The following PBRM1 variants were observed in gnomAD, a reference collection of about 807,000 sequenced individuals.
PBRM1 encodes the protein polybromo 1.
A neutral mutation model predicts 194.5 loss-of-function variants in PBRM1; 27 were observed. That is an observed-to-expected ratio of 0.14 (90% CI 0.10 to 0.19). PBRM1 has a LOEUF of 0.19. Ranked by LOEUF, PBRM1 falls within the 10% of genes least tolerant of loss-of-function variation. PBRM1 has a pLI of 1.00. For synonymous variants in PBRM1, 655 were observed against 693.2 expected (o/e 0.94, Z 0.87); for missense variants, 1,466 against 2,077.2 (o/e 0.71, Z 5.72).
chr3:52,603,818 CTTT>C, intron 16 of PBRM1, 86 bp from the exon 19 acceptor site: 1 of 1,131,614 alleles, frequency 8.8e-7, no homozygotes, highest in South Asian at 1.4e-5. Context: ...TTAAATGCTT[CTTT>C]AATTGATATA....
chr3:52,603,784 AC>A, intron 16 of PBRM1, 52 bp from the exon 19 acceptor site: 2 of 1,472,046 alleles, frequency 1.4e-6, no homozygotes, highest in Non-Finnish European at 9.3e-7. Context: ...TCTTTTAAAC[AC>A]CTCAATTATA....
chr3:52,626,289 C>T (rs2095444008), intron 13 of PBRM1, among the ~76,000 whole-genome samples: 1 of 152,198 alleles, frequency 6.6e-6, no homozygotes, highest in Non-Finnish European at 1.5e-5. Context: ...TCAGGGTATA[C>T]TGATCAATTT....
At chr3:52,581,211 G>C (rs4687629) in intron 20 of PBRM1, among the ~76,000 whole-genome samples, 69,193 of 152,022 alleles carry the variant, frequency 0.46, 16,101 homozygotes, top group African/African-American at 0.52. Context: ...CTTGGAAAAT[G>C]ATTAAGAATG....
exon 17 of PBRM1, chr3:52,603,538 CGTTTTA>C (rs2094147886): frequency 1.3e-6 from 2 of 1,594,970 alleles, no homozygotes; most frequent in Non-Finnish European, 1.7e-6. Context: ...TTCTTCTTCT[CGTTTTA>C]GTTTATCTTC....
At chr3:52,623,995 T>C (rs538525326) in intron 13 of PBRM1, among the ~76,000 whole-genome samples, 14 of 152,312 alleles carry the variant, frequency 9.2e-5, no homozygotes, top group East Asian at 1.9e-4. Context: ...AATGATAACA[T>C]AGCAATTTTA....
At chr3:52,594,800 A>G (rs11714419) in intron 17 of PBRM1, among the ~76,000 whole-genome samples, 50,618 of 152,038 alleles carry the variant, frequency 0.33, 9,546 homozygotes, top group Admixed American at 0.46. Context: ...GCTTGAGGAA[A>G]AAGGACTCTA....
intron 11 of PBRM1, 70 bp downstream of exon 12, chr3:52,634,532 G>T: frequency 3.0e-6 from 3 of 1,002,400 alleles, no homozygotes; most frequent in Non-Finnish European, 4.6e-6. Context: ...ATTTTAGGAA[G>T]AAATACATTA....
Position 52,609,210 on chromosome 3 carries a change from A to G in PBRM1, c.2567+103T>C. 1 of 898,018 alleles carries G rather than the reference A, an allele frequency of 1.1e-6. No individual in the cohort carries two copies. The highest frequency in any genetic ancestry group is 1.7e-6 in the Non-Finnish European group (1 of 583,886). 55.6% of individuals were successfully genotyped at this position (898,018 alleles called of 1,614,324 possible). ...CAGAATAGCATGCTACCAACTACAA[A>G]TCATGTATGTAAGTGGAAATAGTAC... On this transcript the variant is annotated intron_variant, in intron 16 of 29. Coordinates refer to ENST00000296302, the Ensembl canonical transcript of PBRM1. This position sits in a 1 kb window ranked among gnomAD's most constrained non-coding sequence, Gnocchi z 4.1.
chr3:52,598,570 C>T (rs1560216346), intron 17 of PBRM1, among the ~76,000 whole-genome samples: 1 of 152,172 alleles, frequency 6.6e-6, no homozygotes, highest in East Asian at 1.9e-4. Flanking sequence ...GAATATACCA[C>T]TTTTTGGGCT....
At chr3:52,626,657 A>G (rs901643072) in intron 13 of PBRM1, among the ~76,000 whole-genome samples, 11 of 152,196 alleles carry the variant, frequency 7.2e-5, no homozygotes, top group African/African-American at 2.7e-4. Flanking sequence ...CAGCTTTGGA[A>G]TCTCACAGTA....
intron 13 of PBRM1, among the ~76,000 whole-genome samples, chr3:52,618,968 C>T (rs1200677449): frequency 1.3e-5 from 2 of 152,200 alleles, no homozygotes; most frequent in African/African-American, 2.4e-5. Context: ...AGGCTAGTCT[C>T]GAACTCCCGA....
chr3:52,600,620 G>T (rs1159733145), intron 17 of PBRM1, among the ~76,000 whole-genome samples: 1 of 151,998 alleles, frequency 6.6e-6, no homozygotes, highest in Admixed American at 6.6e-5. Context: ...ATCAAACTTT[G>T]AATTATTTTC....
intron 6 of PBRM1, among the ~76,000 whole-genome samples, chr3:52,649,939 T>C (rs534188277): frequency 6.6e-6 from 1 of 152,264 alleles, no homozygotes; most frequent in Non-Finnish European, 1.5e-5. Flanking sequence ...GGGGCTGAGA[T>C]AGAGATGATT....
At chr3:52,650,637 T>C (rs2096464873) in intron 6 of PBRM1, among the ~76,000 whole-genome samples, 1 of 152,128 alleles carries the variant, frequency 6.6e-6, no homozygotes, top group African/African-American at 2.4e-5. Flanking sequence ...GGAAGATCAG[T>C]AACTCACATT....
rs768971658 is a variant in PBRM1 at position 52,617,250 on chromosome 3, G to GGCCCTCCTTACCTGGGA, written c.1813_1818+11dup. 2 of 1,610,042 alleles carry GGCCCTCCTTACCTGGGA rather than the reference G, an allele frequency of 1.2e-6. No individual in the cohort carries two copies. ...AAAATGTGCCTACTTCAGGACCGCT[G>GGCCCTCCTTACCTGGGA]GCCCTCCTTACCTGGGAGCCCTCCT... On this transcript the variant is annotated intron_variant, in intron 14 of 29. Transcript: ENST00000296302.
intron 13 of PBRM1, among the ~76,000 whole-genome samples, chr3:52,618,407 G>A (rs2095085733): frequency 2.6e-5 from 4 of 152,196 alleles, no homozygotes; most frequent in Middle Eastern, 6.8e-3. Context: ...ACTTGCCCAA[G>A]GTAAGTTTCC....
At chr3:52,559,817 T>TCA (rs1252802274) in intron 25 of PBRM1, among the ~76,000 whole-genome samples, 5,901 of 150,818 alleles carry the variant, frequency 0.039, 389 homozygotes, top group African/African-American at 0.13. Context: ...CGAAGGCCAT[T>TCA]TGAACAAACT....
intron 3 of PBRM1, among the ~76,000 whole-genome samples, chr3:52,664,384 A>G (rs922707867): frequency 7.1e-6 from 1 of 141,636 alleles, no homozygotes; most frequent in African/African-American, 2.5e-5. Flanking sequence ...CTAATTTAAG[A>G]GATTTCACCA....
chr3:52,562,311 A>G (rs2083793987), intron 24 of PBRM1, among the ~76,000 whole-genome samples: 1 of 138,890 alleles, frequency 7.2e-6, no homozygotes, highest in African/African-American at 2.8e-5. Flanking sequence ...TGGGCGACAG[A>G]GCAAGACTCT....
Sources: allele counts gnomAD v4.1 joint callset (sites outside exome capture counted in the v4.1 genomes callset), GRCh38; gene constraint gnomAD v4.1.1; non-coding constraint Gnocchi (gnomAD v3.1); transcripts MANE v1.5; gene names NCBI Gene and HGNC (gene_info 2026-07-23, HGNC 2026-07-21).